Variants in EDF1 observed in about 807,000 individuals in gnomAD.
EDF1 encodes endothelial differentiation-related factor 1.
A neutral mutation model predicts 20.8 loss-of-function variants in EDF1; 5 were observed. That is an observed-to-expected ratio of 0.24 (90% CI 0.13 to 0.51). EDF1 has a LOEUF of 0.51. EDF1 is among the 20% of genes least tolerant of loss of function. The pLI is 0.97. For synonymous variants in EDF1, 96 were observed against 78.5 expected (o/e 1.22, Z -1.18); for missense variants, 137 against 197.8 (o/e 0.69, Z 1.84).
chr9:136,865,100 A>G (rs952884696), intron 1 of EDF1, among the ~76,000 whole-genome samples: 5 of 152,166 alleles, frequency 3.3e-5, no homozygotes, highest in East Asian at 1.9e-4. Context: ...GGGCAGACCA[A>G]TGAATCCCTG....
chr9:136,866,287 G>A lies in EDF1; in HGVS notation c.-29C>T, dbSNP rs202094840. The A allele has an allele frequency of 7.6e-4, 1,208 of 1,591,342 alleles. 1 individual carries two copies. The highest frequency in any genetic ancestry group is 1.8e-3 in the Admixed American group (104 of 58,662). On this transcript the variant is annotated 5_prime_UTR_variant, in exon 1 of 5. Transcript: ENST00000224073. ...GGGCGAAGACGAGCGTCCGTCCGGC[G>A]GCTCAGCGGCAGCTGCTAGAGACCT...
intron 1 of EDF1, among the ~76,000 whole-genome samples, chr9:136,864,350 C>T (rs1488882065): frequency 2.6e-5 from 4 of 151,008 alleles, no homozygotes; most frequent in African/African-American, 9.7e-5. Flanking sequence ...TCAAGTGAGC[C>T]TCTGGCCTCA....
At chr9:136,865,177 G>C (rs991865171) in intron 1 of EDF1, among the ~76,000 whole-genome samples, 1 of 152,150 alleles carries the variant, frequency 6.6e-6, no homozygotes. Context: ...CCACCTGAGG[G>C]TACGAATGAG....
rs564006626 is a variant in EDF1, at chr9:136,863,213, C to T, written c.291+75G>A. ...CCAGGGGGGTGGAGCCCACCCTCCC[C>T]GTGCTATCTGAACACCGGCCATCCC... On this transcript the variant is annotated intron_variant, in intron 3 of 4. Coordinates refer to ENST00000224073, the MANE Select transcript of EDF1 (RefSeq NM_003792.4). The surrounding 1 kb of genome is among the most constrained non-coding windows in gnomAD (Gnocchi z 4.5). 169 of 1,566,416 alleles carry T rather than the reference C, an allele frequency of 1.1e-4. 1 individual carries two copies. In the African/African-American group the frequency reaches 1.4e-3, roughly 13 times the overall value.
intron 1 of EDF1, among the ~76,000 whole-genome samples, chr9:136,864,913 G>A (rs538175281): frequency 4.6e-5 from 7 of 152,290 alleles, no homozygotes; most frequent in Non-Finnish European, 7.4e-5. Context: ...GTGAGCCACC[G>A]CGCCCGGCCA....
In EDF1 at chr9:136,862,572, G is replaced by T; in HGVS notation, c.386-227C>A. Reference sequence around the variant, plus strand: ...ACCCCTCTCCGGAAGAACCGGAGCCGGGGTCCTCTGTGGAACTGGCTTCCG... The same window carrying T: ...ACCCCTCTCCGGAAGAACCGGAGCCTGGGTCCTCTGTGGAACTGGCTTCCG... On this transcript the variant is annotated intron_variant, in intron 4 of 4. Coordinates refer to ENST00000224073, the MANE Select transcript of EDF1 (RefSeq NM_003792.4). The surrounding 1 kb of genome is among the most constrained non-coding windows in gnomAD (Gnocchi z 4.1). 3 of 1,568,634 alleles carry T rather than the reference G, an allele frequency of 1.9e-6. No homozygotes were observed. The highest frequency in any genetic ancestry group is 2.6e-6 in the Non-Finnish European group (3 of 1,164,566).
In EDF1 at chr9:136,862,238, G is replaced by A. The variant is rs774682703; in HGVS notation, c.*46C>T. 1.3e-5 allele frequency: 21 copies of A among 1,611,786 alleles called. No individual in the cohort carries two copies. Among genetic ancestry groups the A allele is most frequent in the Admixed American group, 6.7e-5 (4 of 59,964 alleles). ...ACGGAACTGGCGGCCAAGGGGAACC[G>A]GCGGAACGAGATCAGCTGGAGCGCA... On this transcript the variant is annotated 3_prime_UTR_variant, in exon 5 of 5. Transcript: ENST00000224073. The surrounding 1 kb of genome is among the most constrained non-coding windows in gnomAD (Gnocchi z 4.1).
chr9:136,864,426 T>C (rs1849174759), intron 1 of EDF1, among the ~76,000 whole-genome samples: 1 of 151,858 alleles, frequency 6.6e-6, no homozygotes, highest in African/African-American at 2.4e-5. Context: ...TTAGCACAGA[T>C]TTACTTTTCT....
Position 136,862,890 on chromosome 9 carries a change from G to T in EDF1, c.385+16C>A. ...CCCTGTTCAGCGGACCCGGCGAAGG[G>T]TGGAGGGACACTCACCAATGGCCCG... On this transcript the variant is annotated intron_variant, in intron 4 of 4. Coordinates refer to ENST00000224073, the MANE Select transcript of EDF1 (RefSeq NM_003792.4). The surrounding 1 kb of genome is among the most constrained non-coding windows in gnomAD (Gnocchi z 4.1). 6.2e-7 allele frequency: 1 copy of T among 1,613,058 alleles called. No individual in the cohort carries two copies. Among genetic ancestry groups the T allele is most frequent in the Non-Finnish European group, 8.5e-7 (1 of 1,180,020 alleles).
chr9:136,864,013 T>C, intron 1 of EDF1, 142 bp from the exon 2 acceptor site: 1 of 816,100 alleles, frequency 1.2e-6, no homozygotes, highest in Non-Finnish European at 1.9e-6. Context: ...CTGGGTTCAG[T>C]TACCTAAGCT....
chr9:136,865,401 C>G (rs1275415655), intron 1 of EDF1, among the ~76,000 whole-genome samples: 1 of 152,024 alleles, frequency 6.6e-6, no homozygotes, highest in Non-Finnish European at 1.5e-5. Flanking sequence ...TGGGCAGTAT[C>G]TGACCAGCGG....
At position 136,862,476 on chromosome 9, in the gene EDF1, G is replaced by A. The variant is rs771283221; in HGVS notation, c.386-131C>T. On this transcript the variant is annotated intron_variant, in intron 4 of 4. Transcript: ENST00000224073. This position sits in a 1 kb window ranked among gnomAD's most constrained non-coding sequence, Gnocchi z 4.1. ...GTGCCTCACTGGGCTCTCAGCACACGAGCACTCCTGGTTCCCACATCTAAT... is the reference window on the plus strand; with the variant it reads ...GTGCCTCACTGGGCTCTCAGCACACAAGCACTCCTGGTTCCCACATCTAAT... 44 of 1,612,724 alleles carry A rather than the reference G, an allele frequency of 2.7e-5. No homozygotes were observed. Among genetic ancestry groups the A allele is most frequent in the Admixed American group, 1.0e-4 (6 of 59,986 alleles).
rs1281522524 is a variant in EDF1 at position 136,863,888 on chromosome 9, C to T, written c.79-17G>A. The stretch of plus-strand genomic sequence containing the variant: ...TAAGATAGCCTAGAAAATTAGAAAA[C>T]ATCAGTGGATCAAAATTAGCTTTGA... On this transcript the variant is annotated splice_polypyrimidine_tract_variant and intron_variant, in intron 1 of 4. Transcript: ENST00000224073. The surrounding 1 kb of genome is among the most constrained non-coding windows in gnomAD (Gnocchi z 4.5). 1.9e-6 allele frequency: 3 copies of T among 1,613,554 alleles called. No homozygotes were observed. Among genetic ancestry groups the T allele is most frequent in the Admixed American group, 1.7e-5 (1 of 60,002 alleles).
chr9:136,866,301 T>A lies in EDF1; in HGVS notation c.-43A>T. 6.3e-7 allele frequency: 1 copy of A among 1,583,578 alleles called. No individual in the cohort carries two copies. Among genetic ancestry groups the A allele is most frequent in the Non-Finnish European group, 8.6e-7 (1 of 1,169,528 alleles). On this transcript the variant is annotated 5_prime_UTR_variant, in exon 1 of 5. Coordinates refer to ENST00000224073, the MANE Select transcript of EDF1 (RefSeq NM_003792.4). ...GTCCGTCCGGCGGCTCAGCGGCAGC[T>A]GCTAGAGACCTGGCGCGGCGACGCT...
chr9:136,866,042 G>A, intron 1 of EDF1, 139 bp downstream of exon 1: 3 of 606,658 alleles, frequency 4.9e-6, no homozygotes, highest in Non-Finnish European at 7.0e-6. Context: ...CCTGCCCCCG[G>A]CACCCCAGCC....
rs528408822 is a variant in EDF1 at position 136,863,214 on chromosome 9, G to T, written c.291+74C>A. 2 of 1,566,436 alleles carry T rather than the reference G, an allele frequency of 1.3e-6. No homozygotes were observed. The highest frequency in any genetic ancestry group is 1.7e-6 in the Non-Finnish European group (2 of 1,157,808). The stretch of plus-strand genomic sequence containing the variant: ...CAGGGGGGTGGAGCCCACCCTCCCC[G>T]TGCTATCTGAACACCGGCCATCCCC... On this transcript the variant is annotated intron_variant, in intron 3 of 4. Transcript: ENST00000224073. The surrounding 1 kb of genome is among the most constrained non-coding windows in gnomAD (Gnocchi z 4.5).
At position 136,862,671 on chromosome 9, in the gene EDF1, G is replaced by A; in HGVS notation, c.385+235C>T. 6.7e-7 allele frequency: 1 copy of A among 1,490,222 alleles called. No individual in the cohort carries two copies. The allele number at this position is 1,490,222 out of a possible 1,614,324, so 92.3% of individuals were successfully genotyped here. A position where few individuals can be genotyped will look rare whatever the true frequency, so the allele number is the denominator to read the frequency against. ...CATCGCCAACAGCACAGGCTGACGG[G>A]AACTGGCAAGGGGAAGGGACTCGGA... On this transcript the variant is annotated intron_variant, in intron 4 of 4. Coordinates refer to ENST00000224073, the MANE Select transcript of EDF1 (RefSeq NM_003792.4). This position sits in a 1 kb window ranked among gnomAD's most constrained non-coding sequence, Gnocchi z 4.1.
rs1310939620 is a variant in EDF1, at chr9:136,862,232, G to A, written c.*52C>T. 3.1e-6 allele frequency: 5 copies of A among 1,610,892 alleles called. No individual in the cohort carries two copies. In the South Asian group the frequency reaches 5.5e-5, roughly 18 times the overall value. On this transcript the variant is annotated 3_prime_UTR_variant, in exon 5 of 5. Transcript: ENST00000224073. The surrounding 1 kb of genome is among the most constrained non-coding windows in gnomAD (Gnocchi z 4.1). ...AGGAGAACGGAACTGGCGGCCAAGG[G>A]GAACCGGCGGAACGAGATCAGCTGG...
chr9:136,862,398 C>G lies in EDF1; in HGVS notation c.386-53G>C, dbSNP rs919047881. The G allele has an allele frequency of 1.2e-6, 2 of 1,613,984 alleles. No individual in the cohort carries two copies. The highest frequency in any genetic ancestry group is 1.7e-6 in the Non-Finnish European group (2 of 1,180,020). ...TGCAGCACCAGCTCCCTCCTCCCCC[C>G]AACGCTGCCCCTCTTCAACATCTTC... is the stretch of plus-strand genomic sequence containing the variant. On this transcript the variant is annotated intron_variant, in intron 4 of 4. Coordinates refer to ENST00000224073, the MANE Select transcript of EDF1 (RefSeq NM_003792.4). This position sits in a 1 kb window ranked among gnomAD's most constrained non-coding sequence, Gnocchi z 4.1.
Sources: gnomAD v4.1 joint callset for allele counts (sites outside exome capture counted in the v4.1 genomes callset) on GRCh38, gnomAD v4.1.1 for gene constraint, Gnocchi (gnomAD v3.1) non-coding constraint, MANE v1.5 for transcripts, NCBI Gene and HGNC (gene_info 2026-07-23, HGNC 2026-07-21) for gene names.